The following ATXN1 variants were observed in gnomAD, a reference collection of about 807,000 sequenced individuals.
ATXN1 encodes ataxin 1, also known as ataxin-1.
A neutral mutation model predicts 56.4 loss-of-function variants in ATXN1; 8 were observed. That is an observed-to-expected ratio of 0.14 (90% CI 0.08 to 0.26). The LOEUF (loss-of-function observed/expected upper bound fraction) is 0.26, where lower values mean the gene tolerates loss of function less well. Among genes scored for constraint, ATXN1 ranks in the 10% least tolerant of loss-of-function variants. The pLI is 1.00. For missense variants in ATXN1, 987 were observed against 1,106.5 expected (o/e 0.89, Z 1.53); for synonymous variants, 514 against 494.6 (o/e 1.04, Z -0.52).
intron 3 of ATXN1, among the ~76,000 whole-genome samples, chr6:16,602,742 G>A (rs1762934934): frequency 6.6e-6 from 1 of 152,150 alleles, no homozygotes. Context: ...GAGCCACTGA[G>A]CCTGGCCGCA....
At chr6:16,309,593 G>C (rs1317024705) in intron 7 of ATXN1, among the ~76,000 whole-genome samples, 1 of 152,128 alleles carries the variant, frequency 6.6e-6, no homozygotes, top group Non-Finnish European at 1.5e-5. Flanking sequence ...TTCCCAAACT[G>C]AAGAAGGATA....
chr6:16,386,190 T>C (rs2113513917), intron 6 of ATXN1, among the ~76,000 whole-genome samples: 1 of 152,346 alleles, frequency 6.6e-6, no homozygotes, highest in African/African-American at 2.4e-5. Flanking sequence ...AATAATTAAG[T>C]GAAGGTTGCT....
rs60586256 is a variant in ATXN1 at position 16,620,262 on chromosome 6, AACACACACACACACACACAC to A, written c.-488-34375_-488-34356del. Among the ~76,000 whole-genome samples the A allele has an allele frequency of 2.3e-4, 31 of 137,496 alleles. No individual in the cohort carries two copies. In the South Asian group the frequency reaches 6.7e-3, roughly 30 times the overall value. 90.2% of individuals were successfully genotyped at this position (137,496 alleles called of 152,430 possible). A position where few individuals can be genotyped will look rare whatever the true frequency, so the allele number is the denominator to read the frequency against. Reference sequence around the variant, plus strand: ...TCTCTCTCTCTCTCTCTGTCTCTCAAACACACACACACACACACACACACACACACACACACACAGAATAT... The same window carrying A: ...TCTCTCTCTCTCTCTCTGTCTCTCAAACACACACACACACACACAGAATAT... On this transcript the variant is annotated intron_variant, in intron 3 of 7. Transcript: ENST00000436367.
Position 16,760,058 on chromosome 6 carries a change from T to A in ATXN1, c.-730+1240A>T, listed in dbSNP as rs933647904. Among the ~76,000 whole-genome samples, 1 of 150,642 alleles carries A rather than the reference T, an allele frequency of 6.6e-6. No individual in the cohort carries two copies. The highest frequency in any genetic ancestry group is 2.1e-4 in the South Asian group (1 of 4,760). Reference sequence around the variant, plus strand: ...CGCCGCGCTCCGACACCGCCTCACCTCTCGCTCCGCCCGTCCGGCCCCCTT... The same window carrying A: ...CGCCGCGCTCCGACACCGCCTCACCACTCGCTCCGCCCGTCCGGCCCCCTT... On this transcript the variant is annotated intron_variant, in intron 1 of 7. Transcript: ENST00000436367. The surrounding 1 kb of genome is among the most constrained non-coding windows in gnomAD (Gnocchi z 5.3).
At chr6:16,620,545 A>G (rs1475454481) in intron 3 of ATXN1, among the ~76,000 whole-genome samples, 1 of 152,216 alleles carries the variant, frequency 6.6e-6, no homozygotes, top group South Asian at 2.1e-4. Flanking sequence ...TAGGATCCTA[A>G]GAAATTGGGG....
Position 16,743,125 on chromosome 6 carries a change from A to G in ATXN1, c.-615+10108T>C, listed in dbSNP as rs145561747. Among the ~76,000 whole-genome samples the G allele has an allele frequency of 1.2e-4, 18 of 152,352 alleles. No individual in the cohort carries two copies. The East Asian group carries it at 2.7e-3, about 23-fold the overall frequency. On this transcript the variant is annotated intron_variant, in intron 2 of 7. Transcript: ENST00000436367. ...TCGAAATTCAGTAGGAATTTTTTCAATGAGGAGGAAGACAGTCTTAGACGT... is the reference window on the plus strand; with the variant it reads ...TCGAAATTCAGTAGGAATTTTTTCAGTGAGGAGGAAGACAGTCTTAGACGT...
At chr6:16,500,163 G>A (rs1046800272) in intron 5 of ATXN1, among the ~76,000 whole-genome samples, 11 of 152,128 alleles carry the variant, frequency 7.2e-5, no homozygotes, top group South Asian at 2.1e-4. Context: ...TATGATGTCC[G>A]ATTAAAACTA....
chr6:16,458,796 A>G (rs1209610745), intron 6 of ATXN1, among the ~76,000 whole-genome samples: 1 of 152,242 alleles, frequency 6.6e-6, no homozygotes, highest in East Asian at 1.9e-4. Flanking sequence ...GGCAATCACT[A>G]GACGGGGTAC....
rs1441150631 is a variant in ATXN1, at chr6:16,327,078, G to A, written c.1233C>T (p.Asn411=). 2.0e-5 allele frequency: 33 copies of A among 1,613,790 alleles called. No individual in the cohort carries two copies. Among genetic ancestry groups the A allele is most frequent in the Admixed American group, 1.5e-4 (9 of 60,012 alleles). Residue 411 remains asparagine, a synonymous_variant, in exon 7 of 8, where the codon AAC becomes AAT. Coordinates refer to ENST00000436367, the MANE Select transcript of ATXN1 (RefSeq NM_001128164.2). ...TCCCTAAATGCAGGCCACTTTTGTC[G>A]TTGAGGGTAGAAGGGGAGGCTTCAC... ...THREASPSTL[N]DKSGLHLGKP...
At chr6:16,532,663 A>G (rs1322147826) in intron 4 of ATXN1, among the ~76,000 whole-genome samples, 1 of 152,200 alleles carries the variant, frequency 6.6e-6, no homozygotes, top group Non-Finnish European at 1.5e-5. Context: ...AACCACAATG[A>G]CATACCATTT....
chr6:16,514,544 C>T (rs1053085088), intron 5 of ATXN1, among the ~76,000 whole-genome samples: 1 of 152,118 alleles, frequency 6.6e-6, no homozygotes, highest in African/African-American at 2.4e-5. Flanking sequence ...GATGAAATTT[C>T]AGCCTGGCAG....
chr6:16,309,285 T>G (rs991444377), intron 7 of ATXN1, among the ~76,000 whole-genome samples: 51 of 150,616 alleles, frequency 3.4e-4, no homozygotes, highest in African/African-American at 1.2e-3. Context: ...AAAAAAGGTC[T>G]ATGAGAATTG....
intron 7 of ATXN1, among the ~76,000 whole-genome samples, chr6:16,315,016 A>G (rs1348755234): frequency 1.3e-5 from 2 of 152,172 alleles, no homozygotes; most frequent in East Asian, 1.9e-4. Context: ...GGAACCTTAG[A>G]AGAGTATCTA....
intron 3 of ATXN1, among the ~76,000 whole-genome samples, chr6:16,639,450 A>G (rs1763665114): frequency 6.6e-6 from 1 of 152,130 alleles, no homozygotes; most frequent in Non-Finnish European, 1.5e-5. Context: ...AGTAGCTGGG[A>G]TTACAGGCAT....
intron 4 of ATXN1, among the ~76,000 whole-genome samples, chr6:16,548,125 A>G (rs534472988): frequency 6.6e-6 from 1 of 152,352 alleles, no homozygotes; most frequent in South Asian, 2.1e-4. Flanking sequence ...ACAAACCTAC[A>G]CTGCATGATA....
chr6:16,668,453 G>A (rs532276012), intron 2 of ATXN1, among the ~76,000 whole-genome samples: 2 of 150,132 alleles, frequency 1.3e-5, no homozygotes, highest in South Asian at 4.2e-4. Flanking sequence ...TTGCCTTTTG[G>A]TCTTGAGAGT....
chr6:16,327,458 G>A lies in ATXN1; in HGVS notation c.853C>T (p.Pro285Ser). ...TMIPHTLTLG[P>S]PSQVVMQYAD... ...TATTGCATGACGACCTGGGAGGGGG[G>A]CCCCAGGGTGAGCGTGTGTGGGATC... is the stretch of plus-strand genomic sequence containing the variant. The change falls in exon 7 of 8, where the codon CCC becomes TCC. Residue 285 changes from proline to serine, a missense_variant. Around this residue, in one of 3 missense-constraint regions of ATXN1, gnomAD observed 723 missense variants for 791.7 expected, o/e 0.91. Transcript: ENST00000436367. 1 of 1,613,568 alleles carries A rather than the reference G, an allele frequency of 6.2e-7. No homozygotes were observed. The highest frequency in any genetic ancestry group is 8.5e-7 in the Non-Finnish European group (1 of 1,179,958).
At chr6:16,692,838 A>G (rs1759078817) in intron 2 of ATXN1, among the ~76,000 whole-genome samples, 1 of 152,220 alleles carries the variant, frequency 6.6e-6, no homozygotes, top group South Asian at 2.1e-4. Flanking sequence ...AAATTGGCAG[A>G]TCTGGGTTCA....
At chr6:16,637,888 C>T (rs1763629217) in intron 3 of ATXN1, among the ~76,000 whole-genome samples, 1 of 152,132 alleles carries the variant, frequency 6.6e-6, no homozygotes, top group African/African-American at 2.4e-5. Flanking sequence ...TATTATCTGC[C>T]AAATGTCCAA....
Sources: allele counts gnomAD v4.1 joint callset (sites outside exome capture counted in the v4.1 genomes callset), GRCh38; gene constraint gnomAD v4.1.1; regional missense constraint gnomAD v4.1.1; non-coding constraint Gnocchi (gnomAD v3.1); transcripts MANE v1.5; gene names NCBI Gene and HGNC (gene_info 2026-07-23, HGNC 2026-07-21).